The following DOCK10 variants were observed in gnomAD, a reference collection of about 807,000 sequenced individuals.
DOCK10 encodes dedicator of cytokinesis 10, also known as dedicator of cytokinesis protein 10.
A neutral mutation model predicts 280.1 loss-of-function variants in DOCK10; 145 were observed. The observed-to-expected ratio is 0.52, with a 90% CI of 0.45 to 0.59. DOCK10 has a LOEUF of 0.59. Ranked by LOEUF, DOCK10 falls within the 20% of genes least tolerant of loss-of-function variation. The pLI is 0.00. For synonymous variants in DOCK10, 915 were observed against 942.2 expected (o/e 0.97, Z 0.53); for missense variants, 2,368 against 2,651.7 (o/e 0.89, Z 2.35).
At chr2:224,976,920 T>G (rs1705478504) in intron 1 of DOCK10, among the ~76,000 whole-genome samples, 1 of 152,212 alleles carries the variant, frequency 6.6e-6, no homozygotes, top group South Asian at 2.1e-4. Context: ...TGCAGGCAGA[T>G]TTTGACCCAC....
At chr2:224,798,358 T>C (rs896868124) in intron 41 of DOCK10, among the ~76,000 whole-genome samples, 1 of 152,152 alleles carries the variant, frequency 6.6e-6, no homozygotes, top group Non-Finnish European at 1.5e-5. Context: ...AAGGAGCTTA[T>C]GAGTTCAAGG....
At position 224,770,392 on chromosome 2, in the gene DOCK10, A is replaced by T; in HGVS notation, c.6306-43T>A. 1 of 1,564,538 alleles carries T rather than the reference A, an allele frequency of 6.4e-7. No individual in the cohort carries two copies. ...AACAAATTAAAAACCAGCCCTCGGA[A>T]GTGGCATTGAGCTCAGTGACTGTGA... On this transcript the variant is annotated intron_variant, in intron 54 of 55. Coordinates refer to ENST00000258390, the MANE Select transcript of DOCK10 (RefSeq NM_014689.3). The surrounding 1 kb of genome is among the most constrained non-coding windows in gnomAD (Gnocchi z 4.5).
rs148551002 is a variant in DOCK10 at position 224,782,637 on chromosome 2, G to C, written c.5656-4353C>G. ...TTTTTTTAAAGTTCCTGCTATGAAC[G>C]ATCAGTTTTAAACTTGTTTTCTAGT... On this transcript the variant is annotated intron_variant, in intron 50 of 55. Transcript: ENST00000258390. Among the ~76,000 whole-genome samples the C allele has an allele frequency of 3.3e-3, 509 of 152,198 alleles. 2 individuals are homozygous for C. Among genetic ancestry groups the C allele is most frequent in the Middle Eastern group, 0.01 (3 of 294 alleles).
chr2:225,037,477 T>C (rs946891424), intron 1 of DOCK10, among the ~76,000 whole-genome samples: 2 of 152,142 alleles, frequency 1.3e-5, no homozygotes, highest in Non-Finnish European at 2.9e-5. Context: ...ATCCACCGAT[T>C]TGAAGATGCT....
chr2:224,879,777 A>G (rs1242117809), intron 7 of DOCK10, among the ~76,000 whole-genome samples: 1 of 152,086 alleles, frequency 6.6e-6, no homozygotes. Context: ...AAAAAAAATT[A>G]AAAAAGAAAG....
At chr2:225,008,335 G>A (rs1689337428) in intron 1 of DOCK10, among the ~76,000 whole-genome samples, 1 of 152,158 alleles carries the variant, frequency 6.6e-6, no homozygotes, top group South Asian at 2.1e-4. Context: ...AAGACTCTTT[G>A]TTATGCATGG....
At chr2:224,957,295 G>A (rs74272795) in intron 1 of DOCK10, among the ~76,000 whole-genome samples, 3 of 123,810 alleles carry the variant, frequency 2.4e-5, no homozygotes, top group South Asian at 2.5e-4. Context: ...GCCCCCCCCC[G>A]GCTTTGTTTT....
At chr2:224,804,994 T>C in intron 37 of DOCK10, 64 bp downstream of exon 37, 7 of 1,401,658 alleles carry the variant, frequency 5.0e-6, no homozygotes, top group Non-Finnish European at 6.8e-6. Flanking sequence ...AAATGAAACA[T>C]GGTATAGTGG....
intron 1 of DOCK10, among the ~76,000 whole-genome samples, chr2:224,942,303 T>C (rs1321124465): frequency 1.3e-5 from 2 of 152,248 alleles, no homozygotes; most frequent in Non-Finnish European, 2.9e-5. Context: ...CCTGGATTCT[T>C]AGGCAGACCA....
chr2:224,888,229 G>T (rs1442744755), intron 4 of DOCK10, among the ~76,000 whole-genome samples: 1 of 151,518 alleles, frequency 6.6e-6, no homozygotes, highest in Non-Finnish European at 1.5e-5. Flanking sequence ...CTGTGTGTGT[G>T]TGTGTGTGTG....
In DOCK10 at chr2:225,042,331, C is replaced by T; in HGVS notation, c.44G>A (p.Arg15Lys). The T allele has an allele frequency of 1.5e-6, 2 of 1,344,034 alleles. No individual in the cohort carries two copies. Among genetic ancestry groups the T allele is most frequent in the Non-Finnish European group, 1.9e-6 (2 of 1,044,828 alleles). The allele number at this position is 1,344,034 out of a possible 1,614,324, so 83.3% of individuals were successfully genotyped here. A position where few individuals can be genotyped will look rare whatever the true frequency, so the allele number is the denominator to read the frequency against. The change falls in exon 1 of 56, where the codon AGA becomes AAA. Residue 15 changes from arginine to lysine, a missense_variant. Physicochemically the swap from Arg to Lys is conservative, Grantham distance 26. This residue lies in a region of DOCK10 where 1,209 missense variants were observed against 1,250.9 expected (regional missense o/e 0.97). Coordinates refer to ENST00000258390, the MANE Select transcript of DOCK10 (RefSeq NM_014689.3). The surrounding 1 kb of genome is among the most constrained non-coding windows in gnomAD (Gnocchi z 5.1). ...RTRRFTRSLL[R>K]PGQAAELRHS... ...CCGGAGCTCGGCCGCCTGCCCAGGT[C>T]TCAACAGGCTCCGGGTGAACCTGCG... is the stretch of plus-strand genomic sequence containing the variant.
At chr2:224,885,553 A>T (rs1699227155) in intron 7 of DOCK10, 118 bp downstream of exon 7, 1 of 1,071,586 alleles carries the variant, frequency 9.3e-7, no homozygotes, top group African/African-American at 1.6e-5. Flanking sequence ...CTTGTTTTTC[A>T]CAGAATTCTT....
chr2:224,909,505 T>C (rs959514606), intron 3 of DOCK10, among the ~76,000 whole-genome samples: 1 of 152,182 alleles, frequency 6.6e-6, no homozygotes, highest in Non-Finnish European at 1.5e-5. Flanking sequence ...TACGTTCCCT[T>C]GTGAGGAGTG....
In DOCK10 at chr2:224,770,103, G is replaced by A; in HGVS notation, c.6444+108C>T. The A allele has an allele frequency of 7.9e-7, 1 of 1,264,862 alleles. No homozygotes were observed. Among genetic ancestry groups the A allele is most frequent in the African/African-American group, 1.5e-5 (1 of 66,340 alleles). The allele number at this position is 1,264,862 out of a possible 1,614,324, so 78.4% of individuals were successfully genotyped here. A position where few individuals can be genotyped will look rare whatever the true frequency, so the allele number is the denominator to read the frequency against. ...AACAGATCAGCAACATGGTGCTGAT[G>A]CAGTGATTTCTGCAGCAAGAAAAGG... On this transcript the variant is annotated intron_variant, in intron 55 of 55. Coordinates refer to ENST00000258390, the MANE Select transcript of DOCK10 (RefSeq NM_014689.3). The surrounding 1 kb of genome is among the most constrained non-coding windows in gnomAD (Gnocchi z 4.5).
At position 224,918,865 on chromosome 2, in the gene DOCK10, TGTGA is replaced by T. The variant is rs543675200; in HGVS notation, c.244-2085_244-2082del. Among the ~76,000 whole-genome samples the T allele has an allele frequency of 3.0e-4, 44 of 145,876 alleles. 1 individual carries two copies. The highest frequency in any genetic ancestry group is 5.5e-4 in the Admixed American group (8 of 14,676). On this transcript the variant is annotated intron_variant, in intron 2 of 55. Transcript: ENST00000258390. The stretch of plus-strand genomic sequence containing the variant: ...GCATGTGTGGTGTGTGTGTGGCGTG[TGTGA>T]GTGTGTGTATATGTATGTGTGGTGT...
At chr2:224,980,847 T>C (rs1452508800) in intron 1 of DOCK10, among the ~76,000 whole-genome samples, 1 of 152,154 alleles carries the variant, frequency 6.6e-6, no homozygotes, top group Non-Finnish European at 1.5e-5. Context: ...TCACCTTATT[T>C]AATATCAATA....
At chr2:225,037,881 T>C (rs1690304232) in intron 1 of DOCK10, among the ~76,000 whole-genome samples, 1 of 152,212 alleles carries the variant, frequency 6.6e-6, no homozygotes, top group South Asian at 2.1e-4. Flanking sequence ...TTTTCAAAGT[T>C]ATTTCTCCAA....
chr2:225,007,431 A>G (rs79963089), intron 1 of DOCK10, among the ~76,000 whole-genome samples: 2 of 152,358 alleles, frequency 1.3e-5, no homozygotes, highest in Non-Finnish European at 2.9e-5. Context: ...TGACATAACT[A>G]GAACCCATAA....
At chr2:224,985,454 AT>A (rs906731205) in intron 1 of DOCK10, among the ~76,000 whole-genome samples, 2 of 151,872 alleles carry the variant, frequency 1.3e-5, no homozygotes, top group African/African-American at 2.4e-5. Flanking sequence ...ACAATAAAAA[AT>A]GTTCTTGTTT....
Sources: allele counts gnomAD v4.1 joint callset (sites outside exome capture counted in the v4.1 genomes callset), GRCh38; gene constraint gnomAD v4.1.1; regional missense constraint gnomAD v4.1.1; non-coding constraint Gnocchi (gnomAD v3.1); transcripts MANE v1.5; gene names NCBI Gene and HGNC (gene_info 2026-07-23, HGNC 2026-07-21).